UBOX5: variants seen among roughly 807,000 people sequenced by gnomAD.
The protein encoded by UBOX5 is RING finger protein 37.
Under a neutral mutation model 39.0 loss-of-function variants are expected in UBOX5, and 28 were observed. That is an observed-to-expected ratio of 0.72 (90% CI 0.53 to 0.98). The LOEUF (loss-of-function observed/expected upper bound fraction) is 0.98, where lower values mean the gene tolerates loss of function less well. Ranked by LOEUF, UBOX5 falls within the 50% of genes least tolerant of loss-of-function variation. The pLI is 0.00. For synonymous variants in UBOX5, 283 were observed against 275.5 expected, an observed-to-expected ratio of 1.03 and a Z score of -0.27; for missense variants, 585 against 674.4, an observed-to-expected ratio of 0.87 and a Z score of 1.47.
intron 1 of UBOX5, among the ~76,000 whole-genome samples, chr20:3,129,531 C>T (rs1340463183): frequency 2.0e-5 from 3 of 152,110 alleles, no homozygotes; most frequent in Admixed American, 1.3e-4. Flanking sequence ...CATGTTCATC[C>T]CAGCCACAAC....
chr20:3,147,698 A>C (rs2066581132), intron 1 of UBOX5: 5 of 1,614,212 alleles, frequency 3.1e-6, no homozygotes, highest in Non-Finnish European at 4.2e-6. Flanking sequence ...CTTTCTGTGA[A>C]TCTCACTTAT....
intron 1 of UBOX5, among the ~76,000 whole-genome samples, chr20:3,133,094 G>C (rs1413147068): frequency 1.3e-5 from 2 of 152,292 alleles, no homozygotes; most frequent in East Asian, 3.9e-4. Flanking sequence ...GAGAATGGCA[G>C]ATCTTTTTTA....
At chr20:3,153,522 T>C (rs1283296672) in intron 1 of UBOX5, among the ~76,000 whole-genome samples, 2 of 152,222 alleles carry the variant, frequency 1.3e-5, no homozygotes, top group Non-Finnish European at 2.9e-5. Context: ...TGGAGCCTAA[T>C]ATTAAAGACT....
intron 1 of UBOX5, among the ~76,000 whole-genome samples, chr20:3,154,670 T>A (rs899254116): frequency 1.3e-5 from 2 of 152,010 alleles, no homozygotes; most frequent in African/African-American, 4.8e-5. Flanking sequence ...AGAGACCCTA[T>A]CTCAAAAAAT....
At chr20:3,119,034 G>A (rs751184431) in intron 3 of UBOX5, among the ~76,000 whole-genome samples, 3 of 152,208 alleles carry the variant, frequency 2.0e-5, no homozygotes, top group Non-Finnish European at 4.4e-5. Context: ...TGAAGATGGA[G>A]GCTAAGAAAT....
In UBOX5 at chr20:3,156,119, T is replaced by C. The variant is rs539762886; in HGVS notation, c.-42+3647A>G. On this transcript the variant is annotated intron_variant, in intron 1 of 4. Transcript: ENST00000217173. The stretch of plus-strand genomic sequence containing the variant: ...TACTCAAAGACTCTCAGAAAATCCA[T>C]AGGAAAGCTGGAAAGAGAACACTAT... Among the ~76,000 whole-genome samples the C allele has an allele frequency of 2.6e-5, 4 of 151,098 alleles. No individual in the cohort carries two copies. The South Asian group carries it at 8.4e-4, about 32-fold the overall frequency.
intron 3 of UBOX5, among the ~76,000 whole-genome samples, chr20:3,115,917 C>G (rs2066290513): frequency 6.6e-6 from 1 of 152,116 alleles, no homozygotes; most frequent in Admixed American, 6.6e-5. Flanking sequence ...GTGTGCGCCA[C>G]CACGCCTGGC....
intron 3 of UBOX5, among the ~76,000 whole-genome samples, chr20:3,119,676 A>G (rs1448015234): frequency 2.6e-5 from 4 of 152,116 alleles, no homozygotes; most frequent in African/African-American, 9.7e-5. Flanking sequence ...CAACATGGTG[A>G]AAACCTGTCT....
intron 4 of UBOX5, 95 bp from the exon 5 acceptor site, chr20:3,110,409 C>T (rs2066244750): frequency 2.9e-6 from 4 of 1,394,838 alleles, no homozygotes; most frequent in Non-Finnish European, 4.0e-6. Context: ...CGTGCTGCTG[C>T]AGCATCTGGC....
At chr20:3,134,424 T>C (rs2066453120) in intron 1 of UBOX5, among the ~76,000 whole-genome samples, 1 of 152,102 alleles carries the variant, frequency 6.6e-6, no homozygotes, top group South Asian at 2.1e-4. Flanking sequence ...CTGTGAGTCA[T>C]GAGACAATAA....
intron 4 of UBOX5, among the ~76,000 whole-genome samples, chr20:3,114,442 T>C (rs1378139749): frequency 6.6e-6 from 1 of 152,066 alleles, no homozygotes; most frequent in Non-Finnish European, 1.5e-5. Flanking sequence ...TGCAATCAGT[T>C]TCTGTTGCTT....
chr20:3,116,635 C>T (rs1242366131), intron 3 of UBOX5: 2 of 152,188 alleles, frequency 1.3e-5, no homozygotes, highest in Admixed American at 6.5e-5. Flanking sequence ...CCCACTGCGC[C>T]TCAGATGTTT....
Position 3,121,603 on chromosome 20 carries a change from C to A in UBOX5, c.1036G>T (p.Ala346Ser), listed in dbSNP as rs2066336505. ...SIPGCHLLGRAQTALAVIPSS... is the reference protein window; with the variant it reads ...SIPGCHLLGRSQTALAVIPSS... The stretch of plus-strand genomic sequence containing the variant: ...GGGATCACTGCCAATGCCGTCTGTG[C>A]TCTCCCAAGCAGGTGGCAGCCAGGG... The change falls in exon 3 of 5, where the codon GCA becomes TCA. Residue 346 changes from alanine to serine, a missense_variant. Transcript: ENST00000217173. 5.6e-6 allele frequency: 9 copies of A among 1,605,704 alleles called. No individual in the cohort carries two copies. The East Asian group carries it at 1.8e-4, about 32-fold the overall frequency.
chr20:3,121,642 G>A lies in UBOX5; in HGVS notation c.997C>T (p.Leu333Phe), dbSNP rs755642434. ...TGGCAGCCAGGGATGGAGTGCTGGA[G>A]CAGGAAATGGTCAATCCGGGCCTTG... ...SLKARIDHFLLQHSIPGCHLL... is the reference protein window; with the variant it reads ...SLKARIDHFLFQHSIPGCHLL... Residue 333 changes from leucine to phenylalanine, a missense_variant, in exon 3 of 5, where the codon CTC becomes TTC. Transcript: ENST00000217173. 6.2e-7 allele frequency: 1 copy of A among 1,612,616 alleles called. No individual in the cohort carries two copies. The highest frequency in any genetic ancestry group is 1.1e-5 in the South Asian group (1 of 90,814).
Position 3,108,984 on chromosome 20 carries a change from G to C in UBOX5, c.*1122C>G, listed in dbSNP as rs1300361459. On this transcript the variant is annotated 3_prime_UTR_variant, in exon 5 of 5. Transcript: ENST00000217173. Reference sequence around the variant, plus strand: ...CTAACCCCAAACCCAGATCTCTAAAGTATTGGGTGTGGACTAGAGCTCTGG... The same window carrying C: ...CTAACCCCAAACCCAGATCTCTAAACTATTGGGTGTGGACTAGAGCTCTGG... 1 of 147,606 alleles carries C rather than the reference G, an allele frequency of 6.8e-6. No homozygotes were observed. Among genetic ancestry groups the C allele is most frequent in the African/African-American group, 2.5e-5 (1 of 40,178 alleles). 9.1% of individuals were successfully genotyped at this position (147,606 alleles called of 1,614,324 possible). A position where few individuals can be genotyped will look rare whatever the true frequency, so the allele number is the denominator to read the frequency against.
chr20:3,116,132 C>T (rs1310980161), intron 3 of UBOX5, among the ~76,000 whole-genome samples: 1 of 152,110 alleles, frequency 6.6e-6, no homozygotes, highest in Non-Finnish European at 1.5e-5. Flanking sequence ...CTGCTCCCTG[C>T]CCCCCATTCC....
At chr20:3,120,338 T>C (rs1600369401) in intron 3 of UBOX5, among the ~76,000 whole-genome samples, 1 of 118,530 alleles carries the variant, frequency 8.4e-6, no homozygotes, top group African/African-American at 3.6e-5. Context: ...AGAGCGAGAC[T>C]CCATCTCAAA....
chr20:3,129,376 A>G lies in UBOX5; in HGVS notation c.-41-5970T>C, dbSNP rs2066413011. On this transcript the variant is annotated intron_variant, in intron 1 of 4. Transcript: ENST00000217173. ...CACCAGTTGCAAAAATAAATGTAACACATTGATAAAAATTCAGTGGCCGAC... is the reference window on the plus strand; with the variant it reads ...CACCAGTTGCAAAAATAAATGTAACGCATTGATAAAAATTCAGTGGCCGAC... 2.0e-5 allele frequency among the ~76,000 whole-genome samples: 3 copies of G among 152,226 alleles called. No homozygotes were observed. The South Asian group carries it at 6.2e-4, about 31-fold the overall frequency.
chr20:3,158,357 G>C (rs1440684116), intron 1 of UBOX5, among the ~76,000 whole-genome samples: 1 of 152,120 alleles, frequency 6.6e-6, no homozygotes, highest in Non-Finnish European at 1.5e-5. Flanking sequence ...CCAATGGATG[G>C]GGAAGAAAAT....
Sources: gnomAD v4.1 joint callset for allele counts (sites outside exome capture counted in the v4.1 genomes callset) on GRCh38, gnomAD v4.1.1 for gene constraint, MANE v1.5 for transcripts, NCBI Gene and HGNC (gene_info 2026-07-23, HGNC 2026-07-21) for gene names.